Variants in CLSPN observed in about 807,000 individuals in gnomAD.
CLSPN encodes the protein claspin, also known as claspin homolog.
CLSPN carries 85 observed loss-of-function variants against 156.3 expected under a neutral mutation model. The observed-to-expected ratio is 0.54, with a 90% CI of 0.46 to 0.65. The LOEUF is 0.65. CLSPN is among the 30% of genes least tolerant of loss of function. The pLI is 0.00. For missense variants in CLSPN, 1,407 were observed against 1,554.9 expected (o/e 0.90, Z 1.60); for synonymous variants, 534 against 542.4 (o/e 0.98, Z 0.22).
intron 7 of CLSPN, 53 bp downstream of exon 7, chr1:35,761,043 T>TGCTACAAAACTAAATGTTC: frequency 6.8e-7 from 1 of 1,461,530 alleles, no homozygotes; most frequent in Non-Finnish European, 9.6e-7. Flanking sequence ...GCCAGATGTT[T>TGCTACAAAACTAAATGTTC]GCTACAAAAC....
intron 2 of CLSPN, among the ~76,000 whole-genome samples, 180 bp downstream of exon 2, chr1:35,765,038 A>G (rs1642622684): frequency 6.6e-6 from 1 of 152,220 alleles, no homozygotes; most frequent in South Asian, 2.1e-4. Context: ...TTAGACATTC[A>G]ACAATATAAC....
In CLSPN at chr1:35,766,309, T is replaced by C. The variant is rs1571225169; in HGVS notation, c.25-983A>G. ...TGCACCCGGCCGGTTTCTTTAACAA[T>C]ATATTGCAAAGAAAAAAAAAAGAGA... On this transcript the variant is annotated intron_variant, in intron 1 of 24. Coordinates refer to ENST00000318121, the MANE Select transcript of CLSPN (RefSeq NM_022111.4). Among the ~76,000 whole-genome samples, 10 of 149,260 alleles carry C rather than the reference T, an allele frequency of 6.7e-5. 1 individual carries two copies. Among genetic ancestry groups the C allele is most frequent in the Admixed American group, 2.0e-4 (3 of 15,018 alleles).
chr1:35,764,183 A>G, intron 3 of CLSPN, 83 bp downstream of exon 3: 2 of 792,412 alleles, frequency 2.5e-6, no homozygotes, highest in Admixed American at 5.9e-5. Context: ...GTCAGAGAGC[A>G]GAAACAACCT....
At position 35,747,813 on chromosome 1, in the gene CLSPN, A is replaced by T. The variant is rs1166046050; in HGVS notation, c.2627+94T>A. On this transcript the variant is annotated intron_variant, in intron 14 of 24. Transcript: ENST00000318121. ...ACACCTTCTCTTTCTCAGAAGAGAA[A>T]GCACAGATGGAGTGACAGAAGCTCA... is the stretch of plus-strand genomic sequence containing the variant. 5.0e-6 allele frequency: 6 copies of T among 1,202,388 alleles called. No individual in the cohort carries two copies. In the East Asian group the frequency reaches 1.2e-4, roughly 23 times the overall value. The allele number at this position is 1,202,388 out of a possible 1,614,324, so 74.5% of individuals were successfully genotyped here. A position where few individuals can be genotyped will look rare whatever the true frequency, so the allele number is the denominator to read the frequency against.
intron 17 of CLSPN, 41 bp from the exon 18 acceptor site, chr1:35,743,282 T>G: frequency 2.0e-6 from 3 of 1,505,596 alleles, no homozygotes; most frequent in Non-Finnish European, 2.8e-6. Flanking sequence ...CAGAATAAAA[T>G]GCGTCCTCAA....
chr1:35,726,150 G>T (rs1196621032), intron 24 of CLSPN, among the ~76,000 whole-genome samples: 1 of 3,628 alleles, frequency 2.8e-4, no homozygotes, highest in African/African-American at 9.0e-4. Context: ...AACAGATGCA[G>T]ACAAAAAAAA....
intron 8 of CLSPN, 70 bp from the exon 9 acceptor site, chr1:35,754,006 TAA>T: frequency 1.4e-6 from 2 of 1,438,880 alleles, no homozygotes; most frequent in Non-Finnish European, 9.4e-7. Context: ...ACTTATAAGC[TAA>T]GTTTTTTTTA....
chr1:35,744,966 A>G lies in CLSPN; in HGVS notation c.2966+485T>C, dbSNP rs1641827831. On this transcript the variant is annotated intron_variant, in intron 16 of 24. Coordinates refer to ENST00000318121, the MANE Select transcript of CLSPN (RefSeq NM_022111.4). ...GTAGCTGGGATTACAGGCATGCGCC[A>G]CCATGCCCAGCTAATTTTTTGTATT... Among the ~76,000 whole-genome samples the G allele has an allele frequency of 2.0e-5, 3 of 152,170 alleles. No homozygotes were observed. The South Asian group carries it at 6.2e-4, about 32-fold the overall frequency.
rs1039011274 is a variant in CLSPN, at chr1:35,734,949, A to T, written c.*1547T>A. ...TGAGAAGCTTGTGGTAGTTCAGGGA[A>T]AATGGAGAATGATGGCAATTCTCTT... On this transcript the variant is annotated 3_prime_UTR_variant, in exon 25 of 25. Coordinates refer to ENST00000318121, the MANE Select transcript of CLSPN (RefSeq NM_022111.4). 1.3e-5 allele frequency: 13 copies of T among 985,354 alleles called. No individual in the cohort carries two copies. In the Admixed American group the frequency reaches 8.0e-4, roughly 61 times the overall value. The allele number at this position is 985,354 out of a possible 1,614,324, so 61.0% of individuals were successfully genotyped here. A position where few individuals can be genotyped will look rare whatever the true frequency, so the allele number is the denominator to read the frequency against.
intron 23 of CLSPN, 119 bp downstream of exon 23, chr1:35,737,220 A>AT (rs1293842661): frequency 8.0e-7 from 1 of 1,251,166 alleles, no homozygotes; most frequent in Non-Finnish European, 1.2e-6. Flanking sequence ...CTCCTTTGAC[A>AT]TTAACTTTTT....
chr1:35,729,462 T>C (rs1339402313), downstream of CLSPN, among the ~76,000 whole-genome samples: 1 of 151,976 alleles, frequency 6.6e-6, no homozygotes, highest in Non-Finnish European at 1.5e-5. Flanking sequence ...ATCAATAAAC[T>C]GAAAATGAAA....
At chr1:35,748,206 G>A in intron 13 of CLSPN, 145 bp from the exon 14 acceptor site, 1 of 1,029,410 alleles carries the variant, frequency 9.7e-7, no homozygotes, top group South Asian at 1.6e-5. Flanking sequence ...GCCATGAGAA[G>A]CATAAAGAAA....
Position 35,739,167 on chromosome 1 carries a change from C to A in CLSPN, c.3399G>T (p.Gly1133=). The change falls in exon 20 of 25, where the codon GGG becomes GGT. Residue 1133 remains glycine (G), a synonymous_variant. Transcript: ENST00000318121. Reference sequence around the variant, plus strand: ...TTTTCCATCGAAACTTCCTCATTCGCCCAGGACCATCGCTGTGCAGATCCC... The same window carrying A: ...TTTTCCATCGAAACTTCCTCATTCGACCAGGACCATCGCTGTGCAGATCCC... ...ADGDLHSDGP[G]RMRKFRWKNI... is the part of the protein sequence containing the mutation. 6.2e-7 allele frequency: 1 copy of A among 1,614,150 alleles called. No homozygotes were observed. Among genetic ancestry groups the A allele is most frequent in the Admixed American group, 1.7e-5 (1 of 60,012 alleles).
chr1:35,730,437 G>A (rs1053962726), downstream of CLSPN, among the ~76,000 whole-genome samples: 1 of 151,978 alleles, frequency 6.6e-6, no homozygotes, highest in Non-Finnish European at 1.5e-5. Flanking sequence ...AGATGTGGTG[G>A]TGCACACCTG....
intron 16 of CLSPN, among the ~76,000 whole-genome samples, chr1:35,744,468 AT>A (rs916568779): frequency 6.6e-6 from 1 of 151,660 alleles, no homozygotes; most frequent in African/African-American, 2.4e-5. Context: ...TAATTTTAGT[AT>A]TTTTTTTATA....
At position 35,741,470 on chromosome 1, in the gene CLSPN, T is replaced by A. The variant is rs560147030; in HGVS notation, c.3143+1671A>T. ...TAGCTGGGATTACAGGCACTGGCCATCACGCTTGGCTAATTTTGTATTTTT... is the reference window on the plus strand; with the variant it reads ...TAGCTGGGATTACAGGCACTGGCCAACACGCTTGGCTAATTTTGTATTTTT... On this transcript the variant is annotated intron_variant, in intron 18 of 24. Coordinates refer to ENST00000318121, the MANE Select transcript of CLSPN (RefSeq NM_022111.4). Among the ~76,000 whole-genome samples the A allele has an allele frequency of 1.3e-4, 20 of 152,156 alleles. 1 individual carries two copies. Among genetic ancestry groups the A allele is most frequent in the African/African-American group, 4.3e-4 (18 of 41,536 alleles).
chr1:35,751,818 T>G (rs909231523), intron 9 of CLSPN, among the ~76,000 whole-genome samples: 1 of 151,792 alleles, frequency 6.6e-6, no homozygotes, highest in Non-Finnish European at 1.5e-5. Context: ...AATTTACCTA[T>G]ATTAAAGAAA....
rs1035205731 is a variant in CLSPN, at chr1:35,734,582, G to A, written c.*1914C>T. 4 of 323,948 alleles carry A rather than the reference G, an allele frequency of 1.2e-5. No homozygotes were observed. The highest frequency in any genetic ancestry group is 1.2e-4 in the South Asian group (1 of 8,064). 20.1% of individuals were successfully genotyped at this position (323,948 alleles called of 1,614,324 possible). A position where few individuals can be genotyped will look rare whatever the true frequency, so the allele number is the denominator to read the frequency against. On this transcript the variant is annotated 3_prime_UTR_variant, in exon 25 of 25. Coordinates refer to ENST00000318121, the MANE Select transcript of CLSPN (RefSeq NM_022111.4). ...TGTAATCCCTGCTATTTGGGAGGCC[G>A]AGGCAGAATTGCTTGAACCTAGGAG...
rs775280367 is a variant in CLSPN at position 35,738,094 on chromosome 1, G to C, written c.3562C>G (p.Gln1188Glu). Residue 1188 changes from glutamine to glutamate, a missense_variant, in exon 22 of 25, where the codon CAG (glutamine) becomes GAG (glutamate). Physicochemically the swap from Gln to Glu is conservative, Grantham distance 29. Transcript: ENST00000318121. ...TCTTCAGCTGTAATTTTCCCCTGCT[G>C]TGCCTGAAAAAAAAAAAAAATATAT... ...EREQWLRDMA[Q>E]QGKITAEEEE... 1 of 1,141,594 alleles carries C rather than the reference G, an allele frequency of 8.8e-7. No individual in the cohort carries two copies. The highest frequency in any genetic ancestry group is 1.1e-6 in the Non-Finnish European group (1 of 879,858). The allele number at this position is 1,141,594 out of a possible 1,614,324, so 70.7% of individuals were successfully genotyped here. A position where few individuals can be genotyped will look rare whatever the true frequency, so the allele number is the denominator to read the frequency against.
Sources: gnomAD v4.1 joint callset for allele counts (sites outside exome capture counted in the v4.1 genomes callset) on GRCh38, gnomAD v4.1.1 for gene constraint, MANE v1.5 for transcripts, NCBI Gene and HGNC (gene_info 2026-07-23, HGNC 2026-07-21) for gene names.